ADAMTS17: variants seen among roughly 807,000 people sequenced by gnomAD.
ADAMTS17 encodes the protein ADAM metallopeptidase with thrombospondin type 1 motif 17.
A neutral mutation model predicts 141.5 loss-of-function variants in ADAMTS17; 113 were observed. The ratio of observed to expected loss-of-function variants is 0.80; its 90% CI spans 0.69 to 0.93. The LOEUF is 0.93. Among genes scored for constraint, ADAMTS17 ranks in the 40% least tolerant of loss-of-function variants. The pLI, the probability that ADAMTS17 is intolerant of heterozygous loss-of-function variation, is 0.00. For synonymous variants in ADAMTS17, 768 were observed against 630.6 expected, an observed-to-expected ratio of 1.22 and a Z score of -3.27; for missense variants, 1,659 against 1,517.9, an observed-to-expected ratio of 1.09 and a Z score of -1.54.
At chr15:100,285,949 T>G (rs2044432185) in intron 3 of ADAMTS17, among the ~76,000 whole-genome samples, 1 of 152,164 alleles carries the variant, frequency 6.6e-6, no homozygotes, top group African/African-American at 2.4e-5. Context: ...ACCCACCATG[T>G]GCCAGCCTCT....
chr15:100,102,606 TG>T (rs755504648), intron 14 of ADAMTS17, among the ~76,000 whole-genome samples: 1 of 151,766 alleles, frequency 6.6e-6, no homozygotes, highest in Non-Finnish European at 1.5e-5. Flanking sequence ...GATCTACATT[TG>T]AAGGCCGACT....
At chr15:100,272,385 A>C (rs1219445243) in intron 4 of ADAMTS17, among the ~76,000 whole-genome samples, 2 of 152,124 alleles carry the variant, frequency 1.3e-5, no homozygotes, top group Admixed American at 1.3e-4. Flanking sequence ...GATGTTTTAC[A>C]GCTTTCCATG....
intron 15 of ADAMTS17, among the ~76,000 whole-genome samples, chr15:100,084,623 T>G (rs2034979061): frequency 6.6e-6 from 1 of 152,084 alleles, no homozygotes; most frequent in Non-Finnish European, 1.5e-5. Flanking sequence ...CTCACACGAC[T>G]GGGTACTCCT....
chr15:100,230,080 G>A (rs1370443699), intron 7 of ADAMTS17, among the ~76,000 whole-genome samples: 6 of 152,320 alleles, frequency 3.9e-5, no homozygotes, highest in Middle Eastern at 3.4e-3. Context: ...CAAGCTGCAC[G>A]AGCATAACCA....
intron 18 of ADAMTS17, among the ~76,000 whole-genome samples, chr15:100,022,102 G>A (rs577567013): frequency 7.9e-5 from 12 of 152,176 alleles, no homozygotes; most frequent in African/African-American, 2.2e-4. Context: ...AAACTTCCCC[G>A]GGCTCAGTTT....
intron 18 of ADAMTS17, among the ~76,000 whole-genome samples, chr15:100,000,695 G>T (rs1480703137): frequency 6.6e-6 from 1 of 151,928 alleles, no homozygotes; most frequent in Non-Finnish European, 1.5e-5. Flanking sequence ...TGTATTTTTA[G>T]TAGAGACGGG....
At chr15:100,157,085 G>C (rs923999200) in intron 8 of ADAMTS17, among the ~76,000 whole-genome samples, 2 of 152,150 alleles carry the variant, frequency 1.3e-5, no homozygotes, top group Non-Finnish European at 2.9e-5. Flanking sequence ...GCACAAGCAA[G>C]GAAAATGCCA....
At chr15:100,146,330 G>T (rs182087147) in intron 10 of ADAMTS17, among the ~76,000 whole-genome samples, 1 of 152,284 alleles carries the variant, frequency 6.6e-6, no homozygotes, top group East Asian at 1.9e-4. Context: ...ACATTTATTA[G>T]TTCCCCAAAT....
chr15:100,291,930 A>C (rs1297496875), intron 3 of ADAMTS17, among the ~76,000 whole-genome samples: 2 of 152,240 alleles, frequency 1.3e-5, no homozygotes, highest in Non-Finnish European at 2.9e-5. Context: ...CTGAAACTAA[A>C]ATAAAAGTTA....
At chr15:100,161,008 G>A (rs552922180) in intron 8 of ADAMTS17, among the ~76,000 whole-genome samples, 13 of 152,318 alleles carry the variant, frequency 8.5e-5, no homozygotes, top group East Asian at 5.8e-4. Context: ...TAACGAAAAC[G>A]TGTGGCATTA....
chr15:100,245,598 A>G (rs2042962452), intron 7 of ADAMTS17, among the ~76,000 whole-genome samples: 1 of 152,272 alleles, frequency 6.6e-6, no homozygotes, highest in South Asian at 2.1e-4. Context: ...AACCTTAGAC[A>G]CAACCCTGGC....
chr15:100,338,975 T>C (rs2046286068), intron 2 of ADAMTS17: 4 of 985,334 alleles, frequency 4.1e-6, no homozygotes, highest in Admixed American at 6.1e-5. Context: ...CCACTGTCTC[T>C]TCCCTCCGGC....
chr15:100,111,621 G>C (rs2036787260), intron 13 of ADAMTS17, among the ~76,000 whole-genome samples: 2 of 152,252 alleles, frequency 1.3e-5, no homozygotes, highest in African/African-American at 4.8e-5. Context: ...GGGTCCCTTG[G>C]CTGAAGTGGT....
intron 15 of ADAMTS17, among the ~76,000 whole-genome samples, chr15:100,073,630 G>T (rs919486505): frequency 2.0e-5 from 3 of 151,838 alleles, no homozygotes; most frequent in African/African-American, 7.3e-5. Flanking sequence ...GGATGAAGCT[G>T]GAAACCATCA....
At chr15:100,286,833 G>C (rs77381038) in intron 3 of ADAMTS17, among the ~76,000 whole-genome samples, 5,788 of 152,210 alleles carry the variant, frequency 0.038, 126 homozygotes, top group Middle Eastern at 0.071. Context: ...AGAATATGGA[G>C]AGCAATAAAG....
At chr15:100,237,746 C>T (rs1045567235) in intron 7 of ADAMTS17, among the ~76,000 whole-genome samples, 6 of 152,292 alleles carry the variant, frequency 3.9e-5, no homozygotes, top group African/African-American at 1.2e-4. Flanking sequence ...GTCTCCGCCT[C>T]CCAAGTAGCT....
intron 3 of ADAMTS17, among the ~76,000 whole-genome samples, chr15:100,296,374 T>C (rs1163279964): frequency 6.6e-6 from 1 of 152,208 alleles, no homozygotes; most frequent in Non-Finnish European, 1.5e-5. Context: ...TTTCCACAGC[T>C]GCATAAATCC....
chr15:100,205,411 T>C lies in ADAMTS17; in HGVS notation c.1076-5988A>G, dbSNP rs375914284. On this transcript the variant is annotated intron_variant, in intron 7 of 21. Transcript: ENST00000268070. ...AAAGAGAAACGAATAAGTGGTGATG[T>C]TCAAAAGGCCACAGCCAACTTGAGC... Among the ~76,000 whole-genome samples, 4 of 152,138 alleles carry C rather than the reference T, an allele frequency of 2.6e-5. No individual in the cohort carries two copies. The South Asian group carries it at 8.3e-4, about 32-fold the overall frequency.
At position 100,116,046 on chromosome 15, in the gene ADAMTS17, G is replaced by A. The variant is rs552201322; in HGVS notation, c.1888+801C>T. 2.1e-3 allele frequency among the ~76,000 whole-genome samples: 305 copies of A among 145,756 alleles called. 4 individuals carry two copies. Among genetic ancestry groups the A allele is most frequent in the African/African-American group, 7.4e-3 (292 of 39,356 alleles). The stretch of plus-strand genomic sequence containing the variant: ...GACGATGTATGTAGAGCTAACTTGT[G>A]TCTTGTACATGACATACCGATAAAC... On this transcript the variant is annotated intron_variant, in intron 13 of 21. Transcript: ENST00000268070.
Sources: gnomAD v4.1 joint callset for allele counts (sites outside exome capture counted in the v4.1 genomes callset) on GRCh38, gnomAD v4.1.1 for gene constraint, MANE v1.5 for transcripts, NCBI Gene and HGNC (gene_info 2026-07-23, HGNC 2026-07-21) for gene names.